The following PGAP2 variants were observed in gnomAD, a reference collection of about 807,000 sequenced individuals.
PGAP2 encodes acyltransferase PGAP2.
In PGAP2, 21 loss-of-function variants were observed where a neutral mutation model predicts 33.2. That is an observed-to-expected ratio of 0.63 (90% CI 0.45 to 0.91). The LOEUF (loss-of-function observed/expected upper bound fraction) is 0.91, where lower values mean the gene tolerates loss of function less well. Among genes scored for constraint, PGAP2 ranks in the 40% least tolerant of loss-of-function variants. The pLI is 0.00. For synonymous variants in PGAP2, 161 were observed against 172.9 expected (o/e 0.93, Z 0.54); for missense variants, 345 against 424.0 (o/e 0.81, Z 1.64).
chr11:3,802,076 C>CTTTTTTT (rs3061897), intron 1 of PGAP2, among the ~76,000 whole-genome samples: 4 of 137,154 alleles, frequency 2.9e-5, no homozygotes, highest in African/African-American at 5.4e-5. Flanking sequence ...TTTCCTTTTC[C>CTTTTTTT]TTTTTTTTTT....
upstream of PGAP2, among the ~76,000 whole-genome samples, chr11:3,807,309 G>GT (rs200578138): frequency 0.032 from 3,693 of 114,694 alleles, 134 homozygotes; most frequent in South Asian, 0.14. Context: ...ATTTTCACAG[G>GT]TTTTTTTTTT....
chr11:3,823,139 C>G, intron 3 of PGAP2: 1 of 542,320 alleles, frequency 1.8e-6, no homozygotes. Context: ...CAGGTTCACA[C>G]AGTTCTTCTG....
chr11:3,798,743 AAG>A (rs1370937536), intron 1 of PGAP2, among the ~76,000 whole-genome samples: 3 of 151,722 alleles, frequency 2.0e-5, no homozygotes, highest in African/African-American at 7.3e-5. Flanking sequence ...TCCCAGGTAC[AAG>A]AGAGTCTCCT....
In PGAP2 at chr11:3,824,113, T is replaced by C. The variant is rs1289903039; in HGVS notation, c.579T>C (p.Tyr193=). The C allele has an allele frequency of 8.1e-6, 13 of 1,614,054 alleles. No individual in the cohort carries two copies. Among genetic ancestry groups the C allele is most frequent in the African/African-American group, 1.3e-5 (1 of 74,936 alleles). ...VENLALLVLT[Y]VSSSEDFTIH... ...ACCTCGCGTTGCTAGTGCTCACTTA[T>C]GTCTCCTCCTCCGAGGACTTCAGTG... is the stretch of plus-strand genomic sequence containing the variant. The change falls in exon 4 of 7, where the codon TAT becomes TAC. Residue 193 remains tyrosine (Y), a synonymous_variant. Transcript: ENST00000278243.
At chr11:3,819,006 G>A (rs1231594235) in intron 3 of PGAP2, among the ~76,000 whole-genome samples, 1 of 152,114 alleles carries the variant, frequency 6.6e-6, no homozygotes, top group Non-Finnish European at 1.5e-5. Context: ...AAGAGCTTTG[G>A]AAAGATTTTA....
Position 3,826,069 on chromosome 11 carries a change from CCAGT to C in PGAP2, c.*616_*619del, listed in dbSNP as rs1260620902. On this transcript the variant is annotated 3_prime_UTR_variant, in exon 7 of 7. Transcript: ENST00000278243. ...GACTGTATGATTTCCAAGGACTCTA[CCAGT>C]CAGTGGTTCTGATGTCATCGGGTGG... 1 of 152,830 alleles carries C rather than the reference CCAGT, an allele frequency of 6.5e-6. No homozygotes were observed. Among genetic ancestry groups the C allele is most frequent in the Non-Finnish European group, 1.5e-5 (1 of 68,532 alleles). 9.5% of individuals were successfully genotyped at this position (152,830 alleles called of 1,614,324 possible).
At chr11:3,809,123 G>C (rs1476640319) in intron 1 of PGAP2, among the ~76,000 whole-genome samples, 1 of 152,194 alleles carries the variant, frequency 6.6e-6, no homozygotes, top group African/African-American at 2.4e-5. Flanking sequence ...CAAGTACAGA[G>C]CAGGGGGCCT....
upstream of PGAP2, among the ~76,000 whole-genome samples, chr11:3,806,361 G>A (rs79911685): frequency 0.026 from 3,887 of 152,056 alleles, 173 homozygotes; most frequent in African/African-American, 0.088. Context: ...CATTTGTCCT[G>A]GGACCTTAAA....
chr11:3,825,125 G>T lies in PGAP2; in HGVS notation c.814G>T (p.Gly272Ter). The T allele has an allele frequency of 6.2e-7, 1 of 1,614,134 alleles. No homozygotes were observed. The highest frequency in any genetic ancestry group is 8.5e-7 in the Non-Finnish European group (1 of 1,179,978). Residue 272 changes from glycine (G) to a stop codon, truncating the protein, a stop_gained, in exon 6 of 7, where the codon GGA (glycine) becomes TGA (stop). Transcript: ENST00000278243. LOFTEE classifies it high-confidence loss of function. Reference sequence around the variant, plus strand: ...TCGGCACAACATGTATTGTGAGGCTGGAGGTGAGGCCAGGATAGGATCCAC... The same window carrying T: ...TCGGCACAACATGTATTGTGAGGCTTGAGGTGAGGCCAGGATAGGATCCAC... ...YFRHNMYCEA[G>*]VYTIFAILEY...
intron 1 of PGAP2, chr11:3,798,005 G>C: frequency 6.5e-7 from 1 of 1,535,146 alleles, no homozygotes; most frequent in Non-Finnish European, 8.8e-7. Flanking sequence ...CCCTTTCCTT[G>C]CCCCGGTCCG....
At chr11:3,816,252 A>G (rs910864637) in intron 2 of PGAP2, 1 of 152,828 alleles carries the variant, frequency 6.5e-6, no homozygotes, top group African/African-American at 2.4e-5. Context: ...TTCAGCACCG[A>G]GTGTGAGTGT....
At position 3,808,567 on chromosome 11, in the gene PGAP2, C is replaced by G. The variant is rs548390817; in HGVS notation, c.-95C>G. 1 of 1,386,764 alleles carries G rather than the reference C, an allele frequency of 7.2e-7. No homozygotes were observed. The highest frequency in any genetic ancestry group is 9.3e-7 in the Non-Finnish European group (1 of 1,071,738). 85.9% of individuals were successfully genotyped at this position (1,386,764 alleles called of 1,614,324 possible). A position where few individuals can be genotyped will look rare whatever the true frequency, so the allele number is the denominator to read the frequency against. ...GCCGGCCCCGCCCCCGCCGTTCGCG[C>G]TCTGACCAGCCCGCAGAGCCAGCCC... On this transcript the variant is annotated 5_prime_UTR_variant, in exon 1 of 7. Coordinates refer to ENST00000278243, the MANE Select transcript of PGAP2 (RefSeq NM_014489.4).
At chr11:3,802,813 T>A (rs2083641270) in intron 1 of PGAP2, among the ~76,000 whole-genome samples, 1 of 130,834 alleles carries the variant, frequency 7.6e-6, no homozygotes, top group African/African-American at 2.7e-5. Context: ...ATACTTTGTA[T>A]TTTGTTTTGT....
At chr11:3,797,899 G>C in exon 1 of PGAP2, 2 of 1,549,152 alleles carry the variant, frequency 1.3e-6, no homozygotes, top group South Asian at 1.2e-5. Context: ...ACGCAACATA[G>C]AGACTCCGCC....
intron 1 of PGAP2, among the ~76,000 whole-genome samples, chr11:3,801,266 A>G (rs1219717388): frequency 6.6e-6 from 1 of 152,186 alleles, no homozygotes; most frequent in Non-Finnish European, 1.5e-5. Flanking sequence ...AGTGAGCATT[A>G]AAAGAGAGAA....
upstream of PGAP2, chr11:3,797,810 A>C (rs1267115947): frequency 3.2e-6 from 5 of 1,546,054 alleles, no homozygotes; most frequent in Admixed American, 1.0e-4. Flanking sequence ...GCGTGTCGTG[A>C]CGTCACACAG....
upstream of PGAP2, chr11:3,808,231 A>G (rs534812716): frequency 2.8e-5 from 43 of 1,536,844 alleles, no homozygotes; most frequent in South Asian, 1.1e-4. Context: ...GCGAGGCAGG[A>G]GAGACGGGCG....
chr11:3,812,390 C>T (rs1008539144), intron 2 of PGAP2, among the ~76,000 whole-genome samples: 2 of 152,134 alleles, frequency 1.3e-5, no homozygotes, highest in African/African-American at 4.8e-5. Context: ...GGTTTTCTCA[C>T]TGTACTTCAG....
intron 1 of PGAP2, among the ~76,000 whole-genome samples, chr11:3,802,810 G>A (rs9737461): frequency 0.77 from 114,967 of 148,760 alleles, 46,137 homozygotes; most frequent in Non-Finnish European, 0.89. Flanking sequence ...AGAATACTTT[G>A]TATTTTGTTT....
Sources: gnomAD v4.1 joint callset for allele counts (sites outside exome capture counted in the v4.1 genomes callset) on GRCh38, gnomAD v4.1.1 for gene constraint, MANE v1.5 for transcripts, NCBI Gene and HGNC (gene_info 2026-07-23, HGNC 2026-07-21) for gene names.